CNTN4: variants seen among roughly 807,000 people sequenced by gnomAD.
CNTN4 encodes the protein contactin-4.
Under a neutral mutation model 122.5 loss-of-function variants are expected in CNTN4, and 77 were observed. That is an observed-to-expected ratio of 0.63 (90% confidence interval 0.52 to 0.76). The LOEUF is 0.76. CNTN4 is among the 30% of genes least tolerant of loss of function. The pLI, the probability that CNTN4 is intolerant of heterozygous loss-of-function variation, is 0.00. For missense variants in CNTN4, 1,256 were observed against 1,259.1 expected, an observed-to-expected ratio of 1.00 and a Z score of 0.04; for synonymous variants, 512 against 447.0, an observed-to-expected ratio of 1.15 and a Z score of -1.83.
intron 2 of CNTN4, among the ~76,000 whole-genome samples, chr3:2,244,784 G>A (rs1271083686): frequency 6.6e-6 from 1 of 151,924 alleles, no homozygotes; most frequent in Admixed American, 6.6e-5. Context: ...CAAGGAGAGG[G>A]AACAGGGTAA....
Position 2,654,144 on chromosome 3 carries a change from T to C in CNTN4, c.56-82071T>C, listed in dbSNP as rs1473944452. 2.0e-5 allele frequency among the ~76,000 whole-genome samples: 3 copies of C among 152,230 alleles called. No individual in the cohort carries two copies. In the East Asian group the frequency reaches 5.8e-4, roughly 29 times the overall value. ...TTCCCTTCAGGGGATGAGCTTTATT[T>C]ACTCCTTCTACTCCAAAGCTGAGCT... On this transcript the variant is annotated intron_variant, in intron 4 of 24. Transcript: ENST00000418658.
At chr3:3,028,834 C>G (rs553044373) in intron 15 of CNTN4, among the ~76,000 whole-genome samples, 1 of 152,046 alleles carries the variant, frequency 6.6e-6, no homozygotes, top group East Asian at 1.9e-4. Flanking sequence ...CAGGTTTGAG[C>G]TGTATGGGTC....
At chr3:2,631,886 A>G (rs555633409) in intron 4 of CNTN4, among the ~76,000 whole-genome samples, 1 of 139,752 alleles carries the variant, frequency 7.2e-6, no homozygotes, top group African/African-American at 3.2e-5. Flanking sequence ...AAACAAAAAA[A>G]AACAACAACT....
chr3:2,865,184 G>T (rs1338930682), intron 7 of CNTN4, among the ~76,000 whole-genome samples: 1 of 152,112 alleles, frequency 6.6e-6, no homozygotes, highest in Non-Finnish European at 1.5e-5. Flanking sequence ...TAAATAAAAT[G>T]ATTAGCCATT....
intron 4 of CNTN4, among the ~76,000 whole-genome samples, chr3:2,689,752 C>T (rs1423714520): frequency 6.6e-6 from 1 of 152,098 alleles, no homozygotes; most frequent in Non-Finnish European, 1.5e-5. Context: ...GCTCTGGCCC[C>T]AGTTTCCCCC....
intron 6 of CNTN4, among the ~76,000 whole-genome samples, chr3:2,774,153 C>T (rs548097957): frequency 2.0e-5 from 3 of 151,968 alleles, no homozygotes; most frequent in African/African-American, 7.2e-5. Context: ...CCCAGTTACC[C>T]GGGAGGCTGA....
intron 3 of CNTN4, among the ~76,000 whole-genome samples, chr3:2,408,703 C>T (rs73804524): frequency 2.7e-3 from 406 of 152,178 alleles, no homozygotes; most frequent in African/African-American, 8.6e-3. Flanking sequence ...ATAACTCCTC[C>T]TCATGACAAA....
intron 2 of CNTN4, among the ~76,000 whole-genome samples, chr3:2,281,659 C>G (rs548940313): frequency 4.6e-4 from 70 of 152,124 alleles, no homozygotes; most frequent in African/African-American, 1.6e-3. Flanking sequence ...AGTAGTATTT[C>G]ACATATCTGC....
At chr3:2,231,833 G>C (rs2039499255) in intron 2 of CNTN4, among the ~76,000 whole-genome samples, 1 of 152,074 alleles carries the variant, frequency 6.6e-6, no homozygotes, top group Non-Finnish European at 1.5e-5. Flanking sequence ...ATTATGTCCT[G>C]ATAAAAATAT....
chr3:2,579,025 C>T (rs1013366788), intron 4 of CNTN4, among the ~76,000 whole-genome samples: 4 of 152,124 alleles, frequency 2.6e-5, no homozygotes, highest in African/African-American at 7.2e-5. Flanking sequence ...GAACTGGCAG[C>T]GATTTTATAT....
At chr3:2,858,156 A>G (rs879285315) in intron 7 of CNTN4, among the ~76,000 whole-genome samples, 2 of 152,224 alleles carry the variant, frequency 1.3e-5, no homozygotes, top group Admixed American at 6.5e-5. Context: ...AGCCTAATGT[A>G]TCCAAACCTT....
At chr3:2,401,437 C>A (rs2046854979) in intron 3 of CNTN4, among the ~76,000 whole-genome samples, 1 of 152,076 alleles carries the variant, frequency 6.6e-6, no homozygotes, top group Non-Finnish European at 1.5e-5. Flanking sequence ...TAGCTAGTGG[C>A]TATTTTGGAG....
At chr3:2,115,315 G>A (rs1048934743) in intron 2 of CNTN4, among the ~76,000 whole-genome samples, 2 of 152,210 alleles carry the variant, frequency 1.3e-5, no homozygotes, top group African/African-American at 4.8e-5. Flanking sequence ...TCTACTGGGG[G>A]TTTTGGAGCT....
At position 2,866,734 on chromosome 3, in the gene CNTN4, A is replaced by G. The variant is rs1343598851; in HGVS notation, c.455-18A>G. 1.9e-6 allele frequency: 3 copies of G among 1,607,458 alleles called. No homozygotes were observed. The highest frequency in any genetic ancestry group is 1.7e-5 in the Admixed American group (1 of 59,988). ...GTGCCAAAAGACATATTTGTAATGA[A>G]GATTTTTTTCCTTTCAGAGCTGAGT... On this transcript the variant is annotated intron_variant, in intron 7 of 24. Coordinates refer to ENST00000418658, the MANE Select transcript of CNTN4 (RefSeq NM_175607.3).
chr3:2,460,011 G>A (rs1447516904), intron 3 of CNTN4, among the ~76,000 whole-genome samples: 1 of 152,016 alleles, frequency 6.6e-6, no homozygotes, highest in African/African-American at 2.4e-5. Flanking sequence ...TTGCTGCTGG[G>A]TCAGAGTTGT....
Position 2,668,742 on chromosome 3 carries a change from T to C in CNTN4, c.56-67473T>C, listed in dbSNP as rs944293943. The stretch of plus-strand genomic sequence containing the variant: ...TTGGCTGTGGGTTTGTCATAGATAG[T>C]TCTTATTATTTTGAGATACATCCCA... On this transcript the variant is annotated intron_variant, in intron 4 of 24. Coordinates refer to ENST00000418658, the MANE Select transcript of CNTN4 (RefSeq NM_175607.3). Among the ~76,000 whole-genome samples, 14 of 152,156 alleles carry C rather than the reference T, an allele frequency of 9.2e-5. No individual in the cohort carries two copies. The East Asian group carries it at 1.9e-3, about 21-fold the overall frequency.
chr3:2,414,118 G>A (rs1559531256), intron 3 of CNTN4, among the ~76,000 whole-genome samples: 1 of 152,184 alleles, frequency 6.6e-6, no homozygotes, highest in Non-Finnish European at 1.5e-5. Flanking sequence ...AATGGTAGAT[G>A]TGACTTTCTG....
At chr3:2,447,686 TA>T (rs1229775305) in intron 3 of CNTN4, among the ~76,000 whole-genome samples, 5 of 152,116 alleles carry the variant, frequency 3.3e-5, no homozygotes, top group Admixed American at 2.6e-4. Context: ...ATGAATATAT[TA>T]AAAATGTATA....
At chr3:2,777,416 G>C (rs1172933997) in intron 6 of CNTN4, among the ~76,000 whole-genome samples, 1 of 152,128 alleles carries the variant, frequency 6.6e-6, no homozygotes, top group Admixed American at 6.5e-5. Context: ...CTCTATCAGG[G>C]AATATATTTG....
Sources: allele counts gnomAD v4.1 joint callset (sites outside exome capture counted in the v4.1 genomes callset), GRCh38; gene constraint gnomAD v4.1.1; transcripts MANE v1.5; gene names NCBI Gene and HGNC (gene_info 2026-07-23, HGNC 2026-07-21).